DIO1: variants seen among roughly 807,000 people sequenced by gnomAD.
DIO1 encodes the protein iodothyronine deiodinase 1.
A neutral mutation model predicts 25.9 loss-of-function variants in DIO1; 17 were observed. The observed-to-expected ratio is 0.66, with a 90% CI of 0.45 to 0.98. The LOEUF (loss-of-function observed/expected upper bound fraction) is 0.98, where lower values mean the gene tolerates loss of function less well. Ranked by LOEUF, DIO1 falls within the 50% of genes least tolerant of loss-of-function variation. The pLI, the probability that DIO1 is intolerant of heterozygous loss-of-function variation, is 0.00. For missense variants in DIO1, 270 were observed against 310.4 expected, an observed-to-expected ratio of 0.87 and a Z score of 0.98; for synonymous variants, 115 against 114.0, an observed-to-expected ratio of 1.01 and a Z score of -0.05.
intron 2 of DIO1, 162 bp downstream of exon 2, chr1:53,904,971 G>A: frequency 2.9e-6 from 2 of 681,970 alleles, no homozygotes; most frequent in Admixed American, 3.1e-5. Context: ...GCCCTGCACT[G>A]GGCTAACCTC....
At chr1:53,909,870 A>C in intron 3 of DIO1, 61 bp from the exon 4 acceptor site, 1 of 1,541,856 alleles carries the variant, frequency 6.5e-7, no homozygotes, top group Non-Finnish European at 9.0e-7. Flanking sequence ...CCAGACCTAC[A>C]TGTTCCTTAC....
intron 3 of DIO1, among the ~76,000 whole-genome samples, chr1:53,909,007 T>C (rs1651798181): frequency 6.6e-6 from 1 of 151,264 alleles, no homozygotes; most frequent in Admixed American, 6.6e-5. Flanking sequence ...GGCACGAGAA[T>C]TGTTTGAACC....
intron 3 of DIO1, among the ~76,000 whole-genome samples, chr1:53,909,415 C>CA (rs1163452894): frequency 3.4e-4 from 49 of 143,878 alleles, no homozygotes; most frequent in South Asian, 1.5e-3. Context: ...GACTCTGTCT[C>CA]AAAAAAAAAA....
chr1:53,909,675 T>C (rs17109582), intron 3 of DIO1, among the ~76,000 whole-genome samples: 16,246 of 152,210 alleles, frequency 0.11, 972 homozygotes, highest in African/African-American at 0.16. Flanking sequence ...AGAACCCTTC[T>C]CTTTTTGAAA....
intron 1 of DIO1, among the ~76,000 whole-genome samples, chr1:53,898,744 CAAAAAAAA>C (rs60469690): frequency 8.4e-5 from 9 of 106,604 alleles, no homozygotes; most frequent in Non-Finnish European, 1.5e-4. Context: ...GACTCTGTCT[CAAAAAAAA>C]AAAAAAAAAA....
chr1:53,909,810 G>A (rs1208658711), intron 3 of DIO1, 121 bp from the exon 4 acceptor site: 1 of 887,878 alleles, frequency 1.1e-6, no homozygotes, highest in African/African-American at 1.6e-5. Flanking sequence ...AATTAGCCAT[G>A]CTGATGGCTC....
Position 53,906,297 on chromosome 1 carries a change from G to C in DIO1, c.681+3G>C, listed in dbSNP as rs1430669006. 1.2e-6 allele frequency: 2 copies of C among 1,607,558 alleles called. No individual in the cohort carries two copies. The highest frequency in any genetic ancestry group is 2.7e-5 in the African/African-American group (2 of 74,932). On this transcript the variant is annotated splice_donor_region_variant and intron_variant, in intron 3 of 3. Coordinates refer to ENST00000361921, the MANE Select transcript of DIO1 (RefSeq NM_000792.7). ...AGGAGGGCAGGATCCTCTACAAGGT[G>C]GTGACCTGGGGACAGGGGGCCCAGG...
intron 3 of DIO1, among the ~76,000 whole-genome samples, 185 bp downstream of exon 3, chr1:53,906,479 G>T (rs901958854): frequency 6.6e-6 from 1 of 152,176 alleles, no homozygotes; most frequent in Non-Finnish European, 1.5e-5. Flanking sequence ...CTGCAAAATG[G>T]GAATGTTGGT....
Position 53,894,570 on chromosome 1 carries a change from G to A in DIO1, c.337+23G>A, listed in dbSNP as rs1266857799. The A allele has an allele frequency of 6.3e-7, 1 of 1,592,018 alleles. No homozygotes were observed. Among genetic ancestry groups the A allele is most frequent in the East Asian group, 2.3e-5 (1 of 44,216 alleles). On this transcript the variant is annotated intron_variant, in intron 1 of 3. Coordinates refer to ENST00000361921, the MANE Select transcript of DIO1 (RefSeq NM_000792.7). This position sits in a 1 kb window ranked among gnomAD's most constrained non-coding sequence, Gnocchi z 4.9. ...AAGGTCAGGAGGCTGCCACACACTTGAGGGGTGCTTGAAATAGCAGTGGTA... is the reference window on the plus strand; with the variant it reads ...AAGGTCAGGAGGCTGCCACACACTTAAGGGGTGCTTGAAATAGCAGTGGTA...
chr1:53,904,626 T>G (rs1651548244), intron 1 of DIO1, 40 bp from the exon 2 acceptor site: 2 of 1,599,064 alleles, frequency 1.3e-6, no homozygotes, highest in Admixed American at 1.8e-5. Context: ...AAGAAAGCTG[T>G]GTGTAGGGTC....
chr1:53,910,404 G>T lies in DIO1; in HGVS notation c.*405G>T. The T allele has an allele frequency of 5.9e-6, 1 of 168,632 alleles. No individual in the cohort carries two copies. Among genetic ancestry groups the T allele is most frequent in the Non-Finnish European group, 1.3e-5 (1 of 77,454 alleles). The allele number at this position is 168,632 out of a possible 1,614,324, so 10.4% of individuals were successfully genotyped here. A position where few individuals can be genotyped will look rare whatever the true frequency, so the allele number is the denominator to read the frequency against. On this transcript the variant is annotated 3_prime_UTR_variant, in exon 4 of 4. Transcript: ENST00000361921. ...ACTCTGATACCAAGTAATTCAAGCTGGCATTCCTTCTATTAGGGAAATTCA... is the reference window on the plus strand; with the variant it reads ...ACTCTGATACCAAGTAATTCAAGCTTGCATTCCTTCTATTAGGGAAATTCA...
At chr1:53,898,372 G>A (rs1215263789) in intron 1 of DIO1, among the ~76,000 whole-genome samples, 4 of 152,164 alleles carry the variant, frequency 2.6e-5, no homozygotes, top group Admixed American at 6.5e-5. Context: ...CGTAGCTGCA[G>A]GTTGACTTTA....
rs562883417 is a variant in DIO1, at chr1:53,908,186, C to T, written c.682-1745C>T. Among the ~76,000 whole-genome samples, 4 of 151,908 alleles carry T rather than the reference C, an allele frequency of 2.6e-5. No homozygotes were observed. In the South Asian group the frequency reaches 8.3e-4, roughly 32 times the overall value. ...GCAGTGAGCCGAGATCGCACCACTG[C>T]ACTCCAGTCTTGGCAACAGAGCGAG... On this transcript the variant is annotated intron_variant, in intron 3 of 3. Transcript: ENST00000361921.
intron 3 of DIO1, among the ~76,000 whole-genome samples, chr1:53,909,578 AGGTAGGATG>A (rs1651846055): frequency 6.6e-6 from 1 of 152,156 alleles, no homozygotes; most frequent in Admixed American, 6.5e-5. Flanking sequence ...GATGGTTCTG[AGGTAGGATG>A]GGTAGAACTT....
At chr1:53,907,094 C>T (rs1434571412) in intron 3 of DIO1, among the ~76,000 whole-genome samples, 1 of 152,202 alleles carries the variant, frequency 6.6e-6, no homozygotes, top group Non-Finnish European at 1.5e-5. Context: ...ACATTTGCGG[C>T]AGGCCTGAAC....
intron 3 of DIO1, among the ~76,000 whole-genome samples, chr1:53,907,797 G>A (rs554379488): frequency 1.9e-4 from 28 of 150,576 alleles, no homozygotes; most frequent in Non-Finnish European, 3.8e-4. Context: ...TGTAATCCCA[G>A]CTACTTGAGA....
rs1474202405 is a variant in DIO1 at position 53,894,282 on chromosome 1, C to T, written c.72C>T (p.Val24=). The T allele has an allele frequency of 1.1e-5, 18 of 1,614,042 alleles. No individual in the cohort carries two copies. Among genetic ancestry groups the T allele is most frequent in the African/African-American group, 4.0e-5 (3 of 74,910 alleles). ...TCTTGGAGGTGGCTGTGCATGTGGT[C>T]GTGGGTAAAGTGCTTCTGATATTGT... ...WVLLEVAVHV[V]VGKVLLILFP... Residue 24 remains valine (V), a synonymous_variant, in exon 1 of 4, where the codon GTC becomes GTT. Transcript: ENST00000361921. The surrounding 1 kb of genome is among the most constrained non-coding windows in gnomAD (Gnocchi z 4.9).
chr1:53,896,912 G>A (rs148442853), intron 1 of DIO1, among the ~76,000 whole-genome samples: 1 of 152,152 alleles, frequency 6.6e-6, no homozygotes, highest in African/African-American at 2.4e-5. Flanking sequence ...TTGTTTTGCT[G>A]TTCATTCATA....
At chr1:53,902,133 G>T (rs1651399995) in intron 1 of DIO1, among the ~76,000 whole-genome samples, 1 of 151,492 alleles carries the variant, frequency 6.6e-6, no homozygotes, top group African/African-American at 2.4e-5. Context: ...CTCCCTCCTT[G>T]GGGACTCTGT....
Sources: allele counts gnomAD v4.1 joint callset (sites outside exome capture counted in the v4.1 genomes callset), GRCh38; gene constraint gnomAD v4.1.1; non-coding constraint Gnocchi (gnomAD v3.1); transcripts MANE v1.5; gene names NCBI Gene and HGNC (gene_info 2026-07-23, HGNC 2026-07-21).